SIPA1L3: variants seen among roughly 807,000 people sequenced by gnomAD.
SIPA1L3 encodes the protein signal induced proliferation associated 1 like 3.
A neutral mutation model predicts 150.1 loss-of-function variants in SIPA1L3; 59 were observed. That is an observed-to-expected ratio of 0.39 (90% CI 0.32 to 0.49). The LOEUF is 0.49. Ranked by LOEUF, SIPA1L3 falls within the 20% of genes least tolerant of loss-of-function variation. The pLI is 0.86. For synonymous variants in SIPA1L3, 1,070 were observed against 1,077.6 expected (o/e 0.99, Z 0.14); for missense variants, 2,211 against 2,489.5 (o/e 0.89, Z 2.38).
intron 2 of SIPA1L3, among the ~76,000 whole-genome samples, chr19:38,070,973 G>T (rs986627065): frequency 6.6e-6 from 1 of 152,160 alleles, no homozygotes; most frequent in African/African-American, 2.4e-5. Context: ...CACCCAGGGG[G>T]TCCCTCTACC....
chr19:37,994,196 C>G (rs1237914201), intron 1 of SIPA1L3, among the ~76,000 whole-genome samples: 1 of 152,180 alleles, frequency 6.6e-6, no homozygotes. Flanking sequence ...GCCATCATGC[C>G]TGGCCGGGAA....
intron 2 of SIPA1L3, among the ~76,000 whole-genome samples, chr19:38,073,076 C>CCA (rs1274864262): frequency 1.8e-4 from 28 of 152,326 alleles, no homozygotes; most frequent in African/African-American, 6.7e-4. Flanking sequence ...GGCCGTGTAT[C>CCA]CACATTCTAG....
At chr19:38,008,280 T>C (rs927015691) in intron 1 of SIPA1L3, among the ~76,000 whole-genome samples, 3 of 128,134 alleles carry the variant, frequency 2.3e-5, no homozygotes, top group African/African-American at 5.9e-5. Context: ...CAGGCTGGAG[T>C]GCAGTGGTGC....
intron 1 of SIPA1L3, among the ~76,000 whole-genome samples, chr19:37,967,885 C>T (rs2046918259): frequency 1.3e-5 from 2 of 152,068 alleles, no homozygotes; most frequent in South Asian, 4.1e-4. Context: ...TCTCAAACTC[C>T]CGAGCTCAAG....
At chr19:37,945,062 G>A (rs2046697834) in intron 1 of SIPA1L3, among the ~76,000 whole-genome samples, 1 of 152,108 alleles carries the variant, frequency 6.6e-6, no homozygotes, top group Non-Finnish European at 1.5e-5. Context: ...TTATAGTTGG[G>A]GAAAAATAAT....
At chr19:38,050,492 A>G (rs1969167887) in intron 2 of SIPA1L3, among the ~76,000 whole-genome samples, 1 of 152,194 alleles carries the variant, frequency 6.6e-6, no homozygotes, top group South Asian at 2.1e-4. Flanking sequence ...CGCCTAACAC[A>G]TATGTGATCT....
At chr19:38,071,333 C>A (rs550472783) in intron 2 of SIPA1L3, among the ~76,000 whole-genome samples, 29 of 152,188 alleles carry the variant, frequency 1.9e-4, no homozygotes, top group African/African-American at 5.8e-4. Flanking sequence ...ATTGCCCAGG[C>A]GGGAGTACAG....
Position 38,193,551 on chromosome 19 carries a change from G to A in SIPA1L3, c.4611G>A (p.Lys1537=), listed in dbSNP as rs749454518. 1.3e-6 allele frequency: 2 copies of A among 1,501,904 alleles called. No homozygotes were observed. Among genetic ancestry groups the A allele is most frequent in the Non-Finnish European group, 8.8e-7 (1 of 1,135,006 alleles). The allele number at this position is 1,501,904 out of a possible 1,614,324, so 93.0% of individuals were successfully genotyped here. Residue 1537 remains lysine (K), a synonymous_variant, in exon 18 of 22, where the codon AAG becomes AAA. Coordinates refer to ENST00000222345, the MANE Select transcript of SIPA1L3 (RefSeq NM_015073.3). The part of the protein sequence containing the change: ...QERDTGQSPQ[K]GLQRTLSDES... ...ACGCCCCACAGCAGTCACCGCAGAA[G>A]GGCCTGCAGCGGACGCTGTCGGACG...
chr19:37,937,327 A>G (rs1222737307), intron 1 of SIPA1L3, among the ~76,000 whole-genome samples: 1 of 152,132 alleles, frequency 6.6e-6, no homozygotes, highest in South Asian at 2.1e-4. Context: ...ATTACCAGTA[A>G]CTTACATGTA....
chr19:37,908,020 G>A (rs143097556), intron 1 of SIPA1L3: 19 of 152,344 alleles, frequency 1.2e-4, no homozygotes, highest in African/African-American at 4.6e-4. Context: ...TCTATAAAAT[G>A]GGGATTTAAA....
Position 38,081,593 on chromosome 19 carries a change from G to T in SIPA1L3, c.28G>T (p.Asp10Tyr). 6.3e-7 allele frequency: 1 copy of T among 1,595,430 alleles called. No individual in the cohort carries two copies. The highest frequency in any genetic ancestry group is 2.3e-5 in the East Asian group (1 of 44,430). The change falls in exon 3 of 22, where the codon GAT becomes TAT. Residue 10 changes from aspartate (D) to tyrosine (Y), a missense_variant. Transcript: ENST00000222345. MTTYRAIPSDGVDLAASCGA... is the reference protein window; with the variant it reads MTTYRAIPSYGVDLAASCGA... Reference sequence around the variant, plus strand: ...GACCACCTATCGGGCCATCCCCAGCGATGGTGTGGACCTGGCAGCCAGCTG... The same window carrying T: ...GACCACCTATCGGGCCATCCCCAGCTATGGTGTGGACCTGGCAGCCAGCTG...
At chr19:38,004,050 T>C (rs1251044754) in intron 1 of SIPA1L3, among the ~76,000 whole-genome samples, 1 of 152,146 alleles carries the variant, frequency 6.6e-6, no homozygotes, top group Non-Finnish European at 1.5e-5. Flanking sequence ...CTCACTGGGA[T>C]TGGGACTTTT....
At chr19:37,938,685 G>A (rs1001950470) in intron 1 of SIPA1L3, among the ~76,000 whole-genome samples, 1 of 147,012 alleles carries the variant, frequency 6.8e-6, no homozygotes, top group African/African-American at 2.5e-5. Flanking sequence ...GTGCAGTGGT[G>A]TGATTTTGAT....
chr19:38,005,556 C>T (rs1344338699), intron 1 of SIPA1L3, among the ~76,000 whole-genome samples: 1 of 152,150 alleles, frequency 6.6e-6, no homozygotes. Flanking sequence ...GGGGTTGCTC[C>T]GAAGCCCACC....
At chr19:38,162,819 G>C (rs565596861) in intron 14 of SIPA1L3, among the ~76,000 whole-genome samples, 1 of 152,176 alleles carries the variant, frequency 6.6e-6, no homozygotes, top group Non-Finnish European at 1.5e-5. Context: ...GGGTCCCTGC[G>C]TCTTTCCAGC....
chr19:37,959,560 G>A (rs986344313), intron 1 of SIPA1L3, among the ~76,000 whole-genome samples: 4 of 152,190 alleles, frequency 2.6e-5, no homozygotes, highest in Non-Finnish European at 5.9e-5. Context: ...GGAGTACAGA[G>A]TTTATTTTGG....
intron 19 of SIPA1L3, among the ~76,000 whole-genome samples, chr19:38,199,141 A>G (rs1476834806): frequency 6.6e-6 from 1 of 152,174 alleles, no homozygotes; most frequent in Non-Finnish European, 1.5e-5. Context: ...TCCCTGGAGC[A>G]GTGGACAGGG....
chr19:38,014,704 C>G (rs745658055), intron 1 of SIPA1L3, among the ~76,000 whole-genome samples: 121 of 148,816 alleles, frequency 8.1e-4, no homozygotes, highest in Non-Finnish European at 9.5e-4. Context: ...GAGCCTTGCT[C>G]TGTCGCCCAG....
chr19:38,007,030 A>C (rs1204742338), intron 1 of SIPA1L3, among the ~76,000 whole-genome samples: 1 of 152,226 alleles, frequency 6.6e-6, no homozygotes, highest in African/African-American at 2.4e-5. Context: ...GCTAAGCAGG[A>C]AAACGAAAAG....
Sources: allele counts gnomAD v4.1 joint callset (sites outside exome capture counted in the v4.1 genomes callset), GRCh38; gene constraint gnomAD v4.1.1; transcripts MANE v1.5; gene names NCBI Gene and HGNC (gene_info 2026-07-23, HGNC 2026-07-21).